PCDH15: variants seen among roughly 807,000 people sequenced by gnomAD.
PCDH15 encodes protocadherin-15.
PCDH15 carries 129 observed loss-of-function variants against 178.5 expected under a neutral mutation model. That is an observed-to-expected ratio of 0.72 (90% CI 0.63 to 0.84). PCDH15 has a LOEUF of 0.84. Among genes scored for constraint, PCDH15 ranks in the 40% least tolerant of loss-of-function variants. The pLI is 0.00. For missense variants in PCDH15, 2,230 were observed against 2,099.9 expected, an observed-to-expected ratio of 1.06 and a Z score of -1.21; for synonymous variants, 800 against 732.0, an observed-to-expected ratio of 1.09 and a Z score of -1.50.
At chr10:55,395,872 A>G (rs1304939056) in intron 2 of PCDH15, among the ~76,000 whole-genome samples, 1 of 152,100 alleles carries the variant, frequency 6.6e-6, no homozygotes, top group Non-Finnish European at 1.5e-5. Context: ...AAAATATAAA[A>G]CAAACTTATT....
At chr10:54,834,335 C>T (rs1202017798) in intron 3 of PCDH15, among the ~76,000 whole-genome samples, 1 of 151,738 alleles carries the variant, frequency 6.6e-6, no homozygotes. Context: ...TGAACCACCA[C>T]ACCCAGCTAA....
At chr10:54,499,537 T>C (rs2080449391) in intron 3 of PCDH15, among the ~76,000 whole-genome samples, 1 of 151,934 alleles carries the variant, frequency 6.6e-6, no homozygotes, top group African/African-American at 2.4e-5. Flanking sequence ...ACCATAAAAC[T>C]ATATGGAAAT....
At chr10:53,942,517 G>C (rs1461593138) in intron 23 of PCDH15, among the ~76,000 whole-genome samples, 1 of 152,148 alleles carries the variant, frequency 6.6e-6, no homozygotes, top group Non-Finnish European at 1.5e-5. Flanking sequence ...ATTATGACTT[G>C]ACTAGATTCT....
chr10:55,437,589 T>C (rs1839072170), intron 2 of PCDH15, among the ~76,000 whole-genome samples: 1 of 152,106 alleles, frequency 6.6e-6, no homozygotes, highest in African/African-American at 2.4e-5. Context: ...CAGAAAGCAC[T>C]ATTCATTGAA....
At chr10:55,321,346 A>G (rs146354094), upstream of PCDH15, among the ~76,000 whole-genome samples, 792 of 152,294 alleles carry the variant, frequency 5.2e-3, 11 homozygotes, top group African/African-American at 0.018. Context: ...ATGAGATTAT[A>G]TAAAGAGACC....
intron 1 of PCDH15, among the ~76,000 whole-genome samples, chr10:55,188,258 C>A (rs557926111): frequency 6.6e-6 from 1 of 151,576 alleles, no homozygotes; most frequent in Non-Finnish European, 1.5e-5. Context: ...CTCCTTTTAC[C>A]AATTCTATAT....
At chr10:54,683,980 C>T (rs2094947299) in intron 1 of PCDH15, among the ~76,000 whole-genome samples, 2 of 151,786 alleles carry the variant, frequency 1.3e-5, no homozygotes, top group Non-Finnish European at 2.9e-5. Context: ...AAAATATAGG[C>T]TTTTTGAGAT....
intron 13 of PCDH15, among the ~76,000 whole-genome samples, chr10:54,166,606 C>T (rs1590902977): frequency 6.6e-6 from 1 of 152,198 alleles, no homozygotes; most frequent in Non-Finnish European, 1.5e-5. Flanking sequence ...CTAAGATCTC[C>T]TGTATTTGAA....
At chr10:54,509,904 T>C (rs1002385763) in intron 3 of PCDH15, among the ~76,000 whole-genome samples, 1 of 152,192 alleles carries the variant, frequency 6.6e-6, no homozygotes, top group African/African-American at 2.4e-5. Flanking sequence ...TCTTCGAAAC[T>C]TTCTTCCACA....
chr10:55,414,770 G>GGGGT (rs1006193603), intron 2 of PCDH15, among the ~76,000 whole-genome samples: 1 of 146,868 alleles, frequency 6.8e-6, no homozygotes, highest in African/African-American at 2.5e-5. Flanking sequence ...TCTAACAAGG[G>GGGGT]GTGTGTGTGT....
At chr10:54,492,441 C>A (rs2079687722) in intron 3 of PCDH15, among the ~76,000 whole-genome samples, 1 of 152,174 alleles carries the variant, frequency 6.6e-6, no homozygotes, top group Admixed American at 6.6e-5. Flanking sequence ...TAGTTACTGT[C>A]TTTGGCTGTC....
intron 3 of PCDH15, among the ~76,000 whole-genome samples, chr10:54,515,151 G>T (rs184806565): frequency 6.6e-6 from 1 of 152,214 alleles, no homozygotes; most frequent in Non-Finnish European, 1.5e-5. Flanking sequence ...GCAGCGCACC[G>T]TGCACCAGCC....
chr10:55,215,906 A>G (rs549693803), intron 1 of PCDH15, among the ~76,000 whole-genome samples: 1 of 152,138 alleles, frequency 6.6e-6, no homozygotes, highest in South Asian at 2.1e-4. Context: ...ATGACACAAC[A>G]CGAAGCAGTA....
At chr10:55,234,455 A>G (rs777820523) in intron 1 of PCDH15, among the ~76,000 whole-genome samples, 4 of 151,484 alleles carry the variant, frequency 2.6e-5, no homozygotes, top group Admixed American at 6.6e-5. Context: ...CTCAGGCTGG[A>G]GTGAGTGGCA....
intron 14 of PCDH15, among the ~76,000 whole-genome samples, chr10:54,147,643 T>C (rs2044120059): frequency 6.6e-6 from 1 of 151,866 alleles, no homozygotes; most frequent in African/African-American, 2.4e-5. Context: ...AAAATATGTA[T>C]ATATAATACC....
chr10:54,084,864 T>C (rs2094492730), intron 16 of PCDH15, among the ~76,000 whole-genome samples: 1 of 152,188 alleles, frequency 6.6e-6, no homozygotes, highest in African/African-American at 2.4e-5. Context: ...TTGACAGATT[T>C]ATCACATTGC....
intron 2 of PCDH15, among the ~76,000 whole-genome samples, chr10:55,103,474 C>G (rs1275193872): frequency 6.6e-6 from 1 of 151,982 alleles, no homozygotes; most frequent in Admixed American, 6.6e-5. Context: ...TTTGTTATAT[C>G]CACAATCTCT....
At chr10:55,580,360 A>ATTTTTTTTTTTTTTTTT in intron 2 of PCDH15, among the ~76,000 whole-genome samples, 1 of 131,614 alleles carries the variant, frequency 7.6e-6, no homozygotes, top group Non-Finnish European at 1.6e-5. Flanking sequence ...TTATTTTTTT[A>ATTTTTTTTTTTTTTTTT]TTTTTTTTTT....
intron 27 of PCDH15, among the ~76,000 whole-genome samples, chr10:53,863,095 G>A (rs993904153): frequency 3.9e-5 from 6 of 152,124 alleles, no homozygotes; most frequent in African/African-American, 1.4e-4. Context: ...ATATTCGGGT[G>A]GAATTGCTAC....
Sources: allele counts gnomAD v4.1 joint callset (sites outside exome capture counted in the v4.1 genomes callset), GRCh38; gene constraint gnomAD v4.1.1; transcripts MANE v1.5; gene names NCBI Gene and HGNC (gene_info 2026-07-23, HGNC 2026-07-21).